AFF3: variants seen among roughly 807,000 people sequenced by gnomAD.
AFF3 encodes the protein ALF transcription elongation factor 3.
AFF3 carries 32 observed loss-of-function variants against 129.7 expected under a neutral mutation model. The ratio of observed to expected loss-of-function variants is 0.25; its 90% CI spans 0.19 to 0.33. The LOEUF is 0.33. Among genes scored for constraint, AFF3 ranks in the 10% least tolerant of loss-of-function variants. AFF3 has a pLI of 1.00. For synonymous variants in AFF3, 644 were observed against 635.4 expected (o/e 1.01, Z -0.20); for missense variants, 1,373 against 1,592.0 (o/e 0.86, Z 2.34).
chr2:99,677,218 C>T (rs1410355235), intron 11 of AFF3, among the ~76,000 whole-genome samples: 2 of 139,390 alleles, frequency 1.4e-5, no homozygotes, highest in East Asian at 2.1e-4. Context: ...TAGAGTGAGC[C>T]GAGGTTGTAC....
chr2:99,760,508 T>C (rs1304133181), intron 8 of AFF3, among the ~76,000 whole-genome samples: 2 of 152,242 alleles, frequency 1.3e-5, no homozygotes, highest in Admixed American at 6.5e-5. Flanking sequence ...TCATTCCTGC[T>C]AAAATTGCAC....
At chr2:99,733,161 T>C (rs2105048461) in intron 10 of AFF3, among the ~76,000 whole-genome samples, 1 of 152,054 alleles carries the variant, frequency 6.6e-6, no homozygotes, top group South Asian at 2.1e-4. Context: ...AGGCGGATCA[T>C]GAGGTCAGGA....
At chr2:100,045,272 T>C (rs1202193510) in intron 4 of AFF3, among the ~76,000 whole-genome samples, 1 of 152,100 alleles carries the variant, frequency 6.6e-6, no homozygotes, top group African/African-American at 2.4e-5. Context: ...AGTGCCGCAG[T>C]TACTACCCGC....
chr2:99,938,644 G>A (rs950285918), intron 7 of AFF3, among the ~76,000 whole-genome samples: 4 of 152,122 alleles, frequency 2.6e-5, no homozygotes, highest in Admixed American at 1.3e-4. Flanking sequence ...ATTAGTTGGA[G>A]GCTTTAAGAG....
chr2:99,664,101 C>T (rs1558717897), intron 12 of AFF3, among the ~76,000 whole-genome samples: 4 of 152,136 alleles, frequency 2.6e-5, no homozygotes, highest in South Asian at 2.1e-4. Flanking sequence ...CATTGTTTCA[C>T]AAAAACATTG....
intron 10 of AFF3, among the ~76,000 whole-genome samples, chr2:99,730,676 G>A (rs750851953): frequency 6.6e-6 from 1 of 151,724 alleles, no homozygotes; most frequent in Non-Finnish European, 1.5e-5. Context: ...CACCATGCCC[G>A]GCTAATGTTT....
chr2:100,137,034 G>A (rs1356250959), intron 1 of AFF3, among the ~76,000 whole-genome samples: 1 of 151,964 alleles, frequency 6.6e-6, no homozygotes, highest in Non-Finnish European at 1.5e-5. Flanking sequence ...TTTGCCATAA[G>A]GAATCTATTT....
At chr2:99,855,867 T>G (rs757235067) in intron 7 of AFF3, among the ~76,000 whole-genome samples, 1 of 152,212 alleles carries the variant, frequency 6.6e-6, no homozygotes, top group Non-Finnish European at 1.5e-5. Context: ...TAATGTCAAC[T>G]GTGCTAAGTC....
intron 7 of AFF3, among the ~76,000 whole-genome samples, chr2:99,951,931 G>A (rs1043383654): frequency 6.6e-5 from 10 of 152,174 alleles, no homozygotes; most frequent in Non-Finnish European, 1.3e-4. Flanking sequence ...GATTGTCTTT[G>A]CAACCCTGGA....
intron 7 of AFF3, among the ~76,000 whole-genome samples, chr2:99,926,795 T>C (rs142832048): frequency 2.0e-5 from 3 of 152,294 alleles, no homozygotes; most frequent in African/African-American, 4.8e-5. Context: ...AAGGCTTCTG[T>C]TGACCTCTTT....
intron 7 of AFF3, among the ~76,000 whole-genome samples, chr2:99,903,131 C>A (rs1694469721): frequency 6.6e-6 from 1 of 152,016 alleles, no homozygotes; most frequent in African/African-American, 2.4e-5. Context: ...TACCATTACA[C>A]CCTATTTCAA....
At chr2:100,026,126 G>C (rs756836984) in intron 4 of AFF3, among the ~76,000 whole-genome samples, 4 of 152,156 alleles carry the variant, frequency 2.6e-5, no homozygotes, top group Non-Finnish European at 4.4e-5. Flanking sequence ...CACAGAGTGG[G>C]AGAAAATCTT....
At chr2:100,020,698 A>G (rs1001791592) in intron 4 of AFF3, among the ~76,000 whole-genome samples, 5 of 151,844 alleles carry the variant, frequency 3.3e-5, no homozygotes, top group African/African-American at 9.7e-5. Context: ...AGACCTGTCA[A>G]CTCTACTACC....
chr2:99,832,556 A>G (rs1176769880), intron 8 of AFF3, among the ~76,000 whole-genome samples: 1 of 152,238 alleles, frequency 6.6e-6, no homozygotes, highest in African/African-American at 2.4e-5. Flanking sequence ...GGAGCCCTTT[A>G]GGAAGGGCTT....
At chr2:100,102,048 T>C (rs1236946073) in intron 4 of AFF3, among the ~76,000 whole-genome samples, 1 of 151,514 alleles carries the variant, frequency 6.6e-6, no homozygotes, top group Non-Finnish European at 1.5e-5. Flanking sequence ...ATGGAACTAC[T>C]ACCACTTACT....
At chr2:99,794,172 T>C (rs184152970) in intron 8 of AFF3, among the ~76,000 whole-genome samples, 2 of 152,370 alleles carry the variant, frequency 1.3e-5, no homozygotes, top group Non-Finnish European at 2.9e-5. Flanking sequence ...CAGAACATGG[T>C]CTATTTTCCT....
intron 11 of AFF3, among the ~76,000 whole-genome samples, chr2:99,706,310 A>C (rs915375480): frequency 6.6e-6 from 1 of 152,214 alleles, no homozygotes; most frequent in Admixed American, 6.5e-5. Flanking sequence ...AGGATACTTG[A>C]CTTTACCATA....
chr2:99,790,942 C>T (rs1327813854), intron 8 of AFF3, among the ~76,000 whole-genome samples: 1 of 152,178 alleles, frequency 6.6e-6, no homozygotes, highest in Non-Finnish European at 1.5e-5. Flanking sequence ...TTATGATATA[C>T]CCATAGAATG....
chr2:99,927,585 AG>A (rs1257067134), intron 7 of AFF3, among the ~76,000 whole-genome samples: 1 of 152,160 alleles, frequency 6.6e-6, no homozygotes, highest in Non-Finnish European at 1.5e-5. Context: ...CAGAGGGTAG[AG>A]GGCAGAAGAA....
Sources: gnomAD v4.1 joint callset for allele counts (sites outside exome capture counted in the v4.1 genomes callset) on GRCh38, gnomAD v4.1.1 for gene constraint, MANE v1.5 for transcripts, NCBI Gene and HGNC (gene_info 2026-07-23, HGNC 2026-07-21) for gene names.